DLGAP2: variants seen among roughly 807,000 people sequenced by gnomAD.
DLGAP2 encodes the protein disks large-associated protein 2.
DLGAP2 carries 26 observed loss-of-function variants against 100.3 expected under a neutral mutation model. The observed-to-expected ratio is 0.26, with a 90% CI of 0.19 to 0.36. DLGAP2 has a LOEUF of 0.36. DLGAP2 is among the 10% of genes least tolerant of loss of function. DLGAP2 has a pLI of 1.00. For synonymous variants in DLGAP2, 886 were observed against 630.1 expected (o/e 1.41, Z -6.08); for missense variants, 1,858 against 1,453.2 (o/e 1.28, Z -4.53).
In DLGAP2 at chr8:1,676,568, C is replaced by G. The variant is rs774343202; in HGVS notation, c.2238C>G (p.Arg746=). 3 of 1,613,564 alleles carry G rather than the reference C, an allele frequency of 1.9e-6. No homozygotes were observed. The Admixed American group carries it at 5.0e-5, about 27-fold the overall frequency. The part of the protein sequence containing the change: ...ETATDSDTES[R]GLREYHSVGV... ...CCACAGATTCTGACACGGAGAGCCGCGGTCTGCGGGAATACCACTCTGTCG... is the reference window on the plus strand; with the variant it reads ...CCACAGATTCTGACACGGAGAGCCGGGGTCTGCGGGAATACCACTCTGTCG... Residue 746 remains arginine (R), a synonymous_variant, in exon 11 of 15, where the codon CGC becomes CGG. Transcript: ENST00000637795.
intron 3 of DLGAP2, among the ~76,000 whole-genome samples, chr8:1,310,070 A>G (rs939959036): frequency 1.3e-5 from 2 of 152,060 alleles, no homozygotes; most frequent in African/African-American, 4.8e-5. Context: ...AAAAAAAAAA[A>G]AAAAAAAGAT....
At chr8:1,185,566 C>T (rs78233613) in intron 2 of DLGAP2, among the ~76,000 whole-genome samples, 1 of 152,164 alleles carries the variant, frequency 6.6e-6, no homozygotes, top group Non-Finnish European at 1.5e-5. Flanking sequence ...CTAACATCCA[C>T]TAGTCATTTA....
At chr8:1,254,973 GTC>G (rs1799146124) in intron 2 of DLGAP2, among the ~76,000 whole-genome samples, 19 of 121,342 alleles carry the variant, frequency 1.6e-4, no homozygotes, top group African/African-American at 5.4e-4. Flanking sequence ...CTCTCATCCT[GTC>G]CGGGTGCTGT....
In DLGAP2 at chr8:1,445,155, G is replaced by C. The variant is rs1400698099; in HGVS notation, c.107-56211G>C. ...TACAATGTGCAGGTTTGTTATACAT[G>C]TATACATGTGCCATGCTGGTGTGCT... On this transcript the variant is annotated intron_variant, in intron 3 of 14. Transcript: ENST00000637795. 4.7e-5 allele frequency among the ~76,000 whole-genome samples: 7 copies of C among 148,562 alleles called. No individual in the cohort carries two copies. The East Asian group carries it at 1.4e-3, about 29-fold the overall frequency.
At chr8:1,633,078 G>A (rs781776050) in intron 8 of DLGAP2, 32 bp downstream of exon 8, 1 of 1,611,724 alleles carries the variant, frequency 6.2e-7, no homozygotes, top group East Asian at 2.2e-5. Flanking sequence ...CCTTCCAGCG[G>A]GGACTCTAGA....
chr8:958,330 T>C (rs1433511066), intron 2 of DLGAP2, among the ~76,000 whole-genome samples: 1 of 152,170 alleles, frequency 6.6e-6, no homozygotes, highest in Non-Finnish European at 1.5e-5. Flanking sequence ...TGCCTTTGGC[T>C]GTTGTGAATA....
intron 3 of DLGAP2, among the ~76,000 whole-genome samples, chr8:1,491,945 GGGTGACGAGTGCACCT>G (rs1799403178): frequency 6.6e-6 from 1 of 152,218 alleles, no homozygotes. Context: ...GGACGCGAGG[GGGTGACGAGTGCACCT>G]GGTGACTGGA....
At chr8:765,698 T>C (rs1038155334) in intron 1 of DLGAP2, among the ~76,000 whole-genome samples, 2 of 152,194 alleles carry the variant, frequency 1.3e-5, no homozygotes, top group Non-Finnish European at 2.9e-5. Flanking sequence ...TCCTCTATGG[T>C]CAGCAACATG....
intron 1 of DLGAP2, among the ~76,000 whole-genome samples, chr8:761,845 C>A (rs1585835513): frequency 6.6e-6 from 1 of 152,342 alleles, no homozygotes; most frequent in Admixed American, 6.5e-5. Flanking sequence ...TGGCGTGCGA[C>A]ACCCTGCGGA....
At chr8:912,224 C>G (rs577465873) in intron 2 of DLGAP2, among the ~76,000 whole-genome samples, 1 of 152,024 alleles carries the variant, frequency 6.6e-6, no homozygotes, top group Non-Finnish European at 1.5e-5. Context: ...ATCAAGCATG[C>G]GGGAGTACTA....
At chr8:1,039,542 A>G (rs1280922673) in intron 2 of DLGAP2, among the ~76,000 whole-genome samples, 8 of 93,162 alleles carry the variant, frequency 8.6e-5, no homozygotes, top group African/African-American at 1.4e-4. Flanking sequence ...GTGCGTGGTC[A>G]GCTTGGTGTG....
At chr8:1,684,139 AC>A (rs1476904927) in intron 12 of DLGAP2, among the ~76,000 whole-genome samples, 1 of 149,700 alleles carries the variant, frequency 6.7e-6, no homozygotes, top group African/African-American at 2.5e-5. Flanking sequence ...ATGCCCCTAC[AC>A]CCGGCTAATT....
chr8:865,936 C>G (rs1797486211), intron 1 of DLGAP2, among the ~76,000 whole-genome samples: 1 of 152,180 alleles, frequency 6.6e-6, no homozygotes, highest in Non-Finnish European at 1.5e-5. Flanking sequence ...TCTGGCCCTC[C>G]CTGTTCAGCC....
chr8:1,299,501 A>C (rs1399622814), intron 3 of DLGAP2, among the ~76,000 whole-genome samples: 1 of 152,238 alleles, frequency 6.6e-6, no homozygotes, highest in Non-Finnish European at 1.5e-5. Flanking sequence ...GCATGAGGTG[A>C]GCATAAACGC....
In DLGAP2 at chr8:1,549,549, C is replaced by G; in HGVS notation, c.1096C>G (p.Leu366Val). 6.2e-7 allele frequency: 1 copy of G among 1,613,260 alleles called. No homozygotes were observed. The change falls in exon 5 of 15, where the codon CTG (leucine) becomes GTG (valine). Residue 366 changes from leucine to valine, a missense_variant. By Grantham distance (32) the Leu-to-Val change is conservative. Coordinates refer to ENST00000637795, the MANE Select transcript of DLGAP2 (RefSeq NM_001346810.2). The stretch of plus-strand genomic sequence containing the variant: ...GGCGCTGACGCCCGACGCCAAGTAC[C>G]TGAAGCGCAGCTCCTGGTCTACGCT... The part of the protein sequence containing the change: ...GLALTPDAKY[L>V]KRSSWSTLTV...
At chr8:1,225,228 C>T (rs763580222) in intron 2 of DLGAP2, among the ~76,000 whole-genome samples, 4 of 152,156 alleles carry the variant, frequency 2.6e-5, no homozygotes, top group Non-Finnish European at 4.4e-5. Flanking sequence ...GTACAGACAA[C>T]GGAACATTTC....
Position 1,350,786 on chromosome 8 carries a change from T to C in DLGAP2, c.106+91903T>C, listed in dbSNP as rs371031524. Among the ~76,000 whole-genome samples the C allele has an allele frequency of 7.3e-4, 28 of 38,438 alleles. 1 individual carries two copies. The highest frequency in any genetic ancestry group is 1.1e-3 in the African/African-American group (13 of 12,036). 25.2% of individuals were successfully genotyped at this position (38,438 alleles called of 152,430 possible). On this transcript the variant is annotated intron_variant, in intron 3 of 14. Coordinates refer to ENST00000637795, the MANE Select transcript of DLGAP2 (RefSeq NM_001346810.2). ...GTCCTGAGCGTGCGTGGAAAGGCCGTGCGGGTCCTGAGTGTGCGTGGAAAG... is the reference window on the plus strand; with the variant it reads ...GTCCTGAGCGTGCGTGGAAAGGCCGCGCGGGTCCTGAGTGTGCGTGGAAAG...
intron 6 of DLGAP2, among the ~76,000 whole-genome samples, chr8:1,622,677 A>T (rs747389890): frequency 1.1e-4 from 17 of 152,244 alleles, no homozygotes; most frequent in Non-Finnish European, 2.5e-4. Flanking sequence ...AGGCAAAACT[A>T]GAACAAAAAC....
chr8:1,216,354 T>A (rs1164467964), intron 2 of DLGAP2, among the ~76,000 whole-genome samples: 1 of 152,078 alleles, frequency 6.6e-6, no homozygotes, highest in African/African-American at 2.4e-5. Context: ...CTGTCCTAAT[T>A]GTTTTTTTGT....
Sources: allele counts gnomAD v4.1 joint callset (sites outside exome capture counted in the v4.1 genomes callset), GRCh38; gene constraint gnomAD v4.1.1; transcripts MANE v1.5; gene names NCBI Gene and HGNC (gene_info 2026-07-23, HGNC 2026-07-21).